USP16: variants seen among roughly 807,000 people sequenced by gnomAD.
USP16 encodes ubiquitin carboxyl-terminal hydrolase 16.
A neutral mutation model predicts 95.9 loss-of-function variants in USP16; 77 were observed. That is an observed-to-expected ratio of 0.80 (90% CI 0.67 to 0.97). The LOEUF (loss-of-function observed/expected upper bound fraction) is 0.97, where lower values mean the gene tolerates loss of function less well. USP16 is among the 50% of genes least tolerant of loss of function. The pLI, the probability that USP16 is intolerant of heterozygous loss-of-function variation, is 0.00. For missense variants in USP16, 943 were observed against 959.9 expected, an observed-to-expected ratio of 0.98 and a Z score of 0.23; for synonymous variants, 303 against 318.2, an observed-to-expected ratio of 0.95 and a Z score of 0.51.
At chr21:29,048,014 T>G (rs1490020044) in intron 14 of USP16, among the ~76,000 whole-genome samples, 1 of 150,824 alleles carries the variant, frequency 6.6e-6, no homozygotes, top group East Asian at 1.9e-4. Context: ...TAGGCTTACT[T>G]TTTGTCTGTA....
At chr21:29,027,824 T>A (rs1303592608) in intron 1 of USP16, 49 bp from the exon 2 acceptor site, 2 of 1,333,716 alleles carry the variant, frequency 1.5e-6, no homozygotes, top group Non-Finnish European at 1.1e-6. Flanking sequence ...TAGAGAAATA[T>A]AAGACATACT....
At position 29,046,200 on chromosome 21, in the gene USP16, G is replaced by A. The variant is rs574454813; in HGVS notation, c.1357-467G>A. On this transcript the variant is annotated intron_variant, in intron 13 of 17. Coordinates refer to ENST00000399976, the MANE Select transcript of USP16 (RefSeq NM_006447.3). ...ACCCAGTTTGGAGTATAGTGTGCAT[G>A]ATCATACCTCACAGTAACCTTGAAC... Among the ~76,000 whole-genome samples the A allele has an allele frequency of 2.6e-5, 4 of 152,226 alleles. No homozygotes were observed. In the East Asian group the frequency reaches 7.7e-4, roughly 29 times the overall value.
At chr21:29,040,214 A>G (rs964230355) in intron 9 of USP16, among the ~76,000 whole-genome samples, 1 of 152,088 alleles carries the variant, frequency 6.6e-6, no homozygotes, top group Non-Finnish European at 1.5e-5. Flanking sequence ...GGCTGTAGAG[A>G]AGTTCAGTAC....
intron 4 of USP16, 68 bp downstream of exon 4, chr21:29,035,008 A>G: frequency 6.8e-7 from 1 of 1,460,206 alleles, no homozygotes; most frequent in Non-Finnish European, 9.4e-7. Flanking sequence ...AAATGTTTAA[A>G]TATGTTTAAG....
intron 5 of USP16, among the ~76,000 whole-genome samples, 174 bp from the exon 6 acceptor site, chr21:29,037,102 G>T (rs1412953146): frequency 6.6e-6 from 1 of 151,996 alleles, no homozygotes; most frequent in East Asian, 1.9e-4. Flanking sequence ...ACTGGGTTTT[G>T]TGTTTTTTTT....
chr21:29,042,710 G>A, intron 12 of USP16, 182 bp downstream of exon 12: 1 of 512,002 alleles, frequency 2.0e-6, no homozygotes, highest in Non-Finnish European at 3.3e-6. Flanking sequence ...TTAAAAACAA[G>A]GATGGAAAAA....
At chr21:29,046,350 C>T (rs934012635) in intron 13 of USP16, among the ~76,000 whole-genome samples, 3 of 151,832 alleles carry the variant, frequency 2.0e-5, no homozygotes, top group Non-Finnish European at 4.4e-5. Flanking sequence ...GTATGTTGCC[C>T]AAGCATGTCC....
In USP16 at chr21:29,046,892, A is replaced by C. The variant is rs2085332756; in HGVS notation, c.1582A>C (p.Asn528His). 1.2e-6 allele frequency: 2 copies of C among 1,614,060 alleles called. No individual in the cohort carries two copies. The highest frequency in any genetic ancestry group is 1.7e-6 in the Non-Finnish European group (2 of 1,180,024). Residue 528 changes from asparagine to histidine, a missense_variant, in exon 14 of 18, where the codon AAT becomes CAT. By Grantham distance (68) the Asn-to-His change is moderately conservative. Transcript: ENST00000399976. ...AAAAATGATCGAAAGTGTAACTGAC[A>C]ATCAAAAATCCACAGAGGAAGTAGA... ...QAKMIESVTD[N>H]QKSTEEVDMK...
chr21:29,033,564 G>A (rs2085108550), intron 3 of USP16, among the ~76,000 whole-genome samples: 1 of 152,188 alleles, frequency 6.6e-6, no homozygotes, highest in South Asian at 2.1e-4. Flanking sequence ...AGAAGTTTAG[G>A]TCATGTTCTT....
In USP16 at chr21:29,054,166, A is replaced by G. The variant is rs775306563; in HGVS notation, c.2451A>G (p.Leu817=). The change falls in exon 18 of 18, where the codon CTA becomes CTG. Residue 817 remains leucine, a synonymous_variant. Coordinates refer to ENST00000399976, the MANE Select transcript of USP16 (RefSeq NM_006447.3). ...TACTAAACTCACAAGCGTACCTCCT[A>G]TTTTATGAGAGAATACTGTAATAAT... ...TKVLNSQAYL[L]FYERIL 8.7e-6 allele frequency: 14 copies of G among 1,613,948 alleles called. No individual in the cohort carries two copies. Among genetic ancestry groups the G allele is most frequent in the African/African-American group, 2.7e-5 (2 of 74,938 alleles).
Position 29,039,107 on chromosome 21 carries a change from A to G in USP16, c.814A>G (p.Lys272Glu). 6.3e-7 allele frequency: 1 copy of G among 1,584,624 alleles called. No individual in the cohort carries two copies. The highest frequency in any genetic ancestry group is 1.1e-5 in the South Asian group (1 of 86,982). The change falls in exon 8 of 18, where the codon AAA becomes GAA. Residue 272 changes from lysine to glutamate, a missense_variant. Transcript: ENST00000399976. ...SQFLNEMQET[K>E]KGVVTPKELF... ...GTTTCTTAATGAGATGCAAGAGACCAAAAAGGGGGTTGTGACACCGAAAGA... is the reference window on the plus strand; with the variant it reads ...GTTTCTTAATGAGATGCAAGAGACCGAAAAGGGGGTTGTGACACCGAAAGA...
intron 14 of USP16, among the ~76,000 whole-genome samples, chr21:29,048,067 G>GTGTA (rs1285073352): frequency 2.0e-5 from 3 of 149,358 alleles, no homozygotes; most frequent in African/African-American, 7.5e-5. Flanking sequence ...GTGTGTGTGT[G>GTGTA]TGTGTGTGTG....
chr21:29,028,020 A>T (rs1568881197), intron 2 of USP16, 46 bp downstream of exon 2: 2 of 1,419,736 alleles, frequency 1.4e-6, no homozygotes, highest in Non-Finnish European at 2.0e-6. Flanking sequence ...CTCTAAATGA[A>T]TATGTTTTAA....
chr21:29,037,422 A>G lies in USP16; in HGVS notation c.595A>G (p.Ser199Gly). 6.2e-7 allele frequency: 1 copy of G among 1,601,416 alleles called. No individual in the cohort carries two copies. Among genetic ancestry groups the G allele is most frequent in the Non-Finnish European group, 8.5e-7 (1 of 1,176,250 alleles). Residue 199 changes from serine (S) to glycine (G), a missense_variant, in exon 6 of 18, where the codon AGT becomes GGT. By Grantham distance (56) the Ser-to-Gly change is moderately conservative (BLOSUM62 0). Coordinates refer to ENST00000399976, the MANE Select transcript of USP16 (RefSeq NM_006447.3). ...TTGCCAAATAACCGTGAAAGGACTC[A>G]GTAATTTGGGAAACACATGTTTCTT... The part of the protein sequence containing the change: ...SPCQITVKGL[S>G]NLGNTCFFNA...
intron 5 of USP16, among the ~76,000 whole-genome samples, 200 bp from the exon 6 acceptor site, chr21:29,037,076 T>C (rs1055918309): frequency 1.6e-4 from 24 of 152,230 alleles, no homozygotes; most frequent in African/African-American, 5.3e-4. Flanking sequence ...ACTTTAGGTC[T>C]GAGTATTTTT....
chr21:29,034,090 TAA>T (rs1458679297), intron 3 of USP16, among the ~76,000 whole-genome samples: 1 of 152,168 alleles, frequency 6.6e-6, no homozygotes, highest in Non-Finnish European at 1.5e-5. Context: ...ATTAGGAGTT[TAA>T]GAGTGCAATT....
In USP16 at chr21:29,046,720, T is replaced by G. The variant is rs192740872; in HGVS notation, c.1410T>G (p.Ile470Met). ...GAAAAGTTCTTCATTTAAATGATAT[T>G]TGTACTATTGACCATCCTGAAGACA... ...IQGKVLHLND[I>M]CTIDHPEDSE... The change falls in exon 14 of 18, where the codon ATT becomes ATG. Residue 470 changes from isoleucine (I) to methionine (M), a missense_variant. Transcript: ENST00000399976. The G allele has an allele frequency of 6.2e-7, 1 of 1,613,688 alleles. No individual in the cohort carries two copies. Among genetic ancestry groups the G allele is most frequent in the East Asian group, 2.2e-5 (1 of 44,858 alleles).
At chr21:29,051,807 G>A (rs982418276) in intron 16 of USP16, among the ~76,000 whole-genome samples, 2 of 151,776 alleles carry the variant, frequency 1.3e-5, no homozygotes, top group East Asian at 1.9e-4. Context: ...TCCTGCCTAG[G>A]TGACAGAGCA....
intron 11 of USP16, 141 bp from the exon 12 acceptor site, chr21:29,042,331 A>G (rs899552976): frequency 3.0e-5 from 28 of 923,832 alleles, no homozygotes; most frequent in African/African-American, 2.7e-4. Flanking sequence ...AATGTTGTGT[A>G]ATTTTTCATT....
Sources: gnomAD v4.1 joint callset for allele counts (sites outside exome capture counted in the v4.1 genomes callset) on GRCh38, gnomAD v4.1.1 for gene constraint, MANE v1.5 for transcripts, NCBI Gene and HGNC (gene_info 2026-07-23, HGNC 2026-07-21) for gene names.